TAFA1: variants seen among roughly 807,000 people sequenced by gnomAD.
TAFA1 encodes chemokine-like protein TAFA-1.
Under a neutral mutation model 18.5 loss-of-function variants are expected in TAFA1, and 4 were observed. The observed-to-expected ratio is 0.22, with a 90% confidence interval of 0.11 to 0.49. TAFA1 has a LOEUF of 0.49. Among genes scored for constraint, TAFA1 ranks in the 20% least tolerant of loss-of-function variants. The pLI is 0.98. For missense variants in TAFA1, 147 were observed against 169.0 expected, an observed-to-expected ratio of 0.87 and a Z score of 0.72; for synonymous variants, 56 against 55.2, an observed-to-expected ratio of 1.01 and a Z score of -0.06.
chr3:68,041,278 C>A (rs905398853), intron 2 of TAFA1, among the ~76,000 whole-genome samples: 1 of 152,126 alleles, frequency 6.6e-6, no homozygotes, highest in Non-Finnish European at 1.5e-5. Flanking sequence ...TGTAAAATGA[C>A]CTGATTAAAA....
At chr3:68,095,223 ATT>A (rs1458102908) in intron 2 of TAFA1, among the ~76,000 whole-genome samples, 2 of 152,144 alleles carry the variant, frequency 1.3e-5, no homozygotes, top group African/African-American at 4.8e-5. Flanking sequence ...AAGTTCTCTC[ATT>A]TCTGACATCC....
At chr3:68,032,293 T>G (rs893253473) in intron 2 of TAFA1, among the ~76,000 whole-genome samples, 10 of 152,176 alleles carry the variant, frequency 6.6e-5, no homozygotes, top group African/African-American at 2.4e-4. Context: ...GTGAAAGAAA[T>G]GTACTAAAAT....
chr3:68,119,848 C>A (rs2065367733), intron 2 of TAFA1, among the ~76,000 whole-genome samples: 1 of 152,088 alleles, frequency 6.6e-6, no homozygotes, highest in African/African-American at 2.4e-5. Flanking sequence ...ATTGTTTTGG[C>A]TATTTGGGTT....
chr3:68,025,745 C>T (rs192160646), intron 2 of TAFA1, among the ~76,000 whole-genome samples: 1 of 152,300 alleles, frequency 6.6e-6, no homozygotes, highest in East Asian at 1.9e-4. Context: ...GATATACGTT[C>T]TCCCTGCTCC....
At chr3:68,464,059 T>C (rs2071835678) in intron 3 of TAFA1, among the ~76,000 whole-genome samples, 1 of 152,162 alleles carries the variant, frequency 6.6e-6, no homozygotes, top group Non-Finnish European at 1.5e-5. Context: ...TGTTATTTCA[T>C]TTTTATAGAC....
At chr3:68,228,409 A>T (rs1048949975) in intron 2 of TAFA1, among the ~76,000 whole-genome samples, 1 of 152,116 alleles carries the variant, frequency 6.6e-6, no homozygotes, top group African/African-American at 2.4e-5. Context: ...AAGCCACCAT[A>T]CCTGGCAGAC....
intron 3 of TAFA1, among the ~76,000 whole-genome samples, chr3:68,463,889 T>TA (rs1397741443): frequency 2.0e-5 from 3 of 152,104 alleles, no homozygotes; most frequent in Non-Finnish European, 2.9e-5. Flanking sequence ...GAGACTGTAA[T>TA]AAAAAACAAT....
intron 2 of TAFA1, among the ~76,000 whole-genome samples, chr3:68,055,015 C>T (rs979164780): frequency 3.3e-5 from 5 of 151,950 alleles, no homozygotes; most frequent in African/African-American, 1.2e-4. Flanking sequence ...TTAGGGTCTC[C>T]CACAAGCAGA....
At chr3:68,318,133 GT>G (rs1274372929) in intron 2 of TAFA1, among the ~76,000 whole-genome samples, 29 of 152,268 alleles carry the variant, frequency 1.9e-4, no homozygotes, top group African/African-American at 6.5e-4. Context: ...CAGTTTGTCA[GT>G]AAGATAGAAA....
chr3:68,412,813 T>C (rs2070741249), intron 2 of TAFA1, among the ~76,000 whole-genome samples: 1 of 152,164 alleles, frequency 6.6e-6, no homozygotes, highest in Non-Finnish European at 1.5e-5. Flanking sequence ...TCTTTGTTAT[T>C]GTGAATAGTG....
chr3:68,262,919 C>T (rs1463459317), intron 2 of TAFA1, among the ~76,000 whole-genome samples: 1 of 152,144 alleles, frequency 6.6e-6, no homozygotes, highest in Admixed American at 6.6e-5. Flanking sequence ...ATCTTCAGAT[C>T]TTATAAAGTT....
intron 2 of TAFA1, among the ~76,000 whole-genome samples, chr3:68,252,979 A>T (rs1267600514): frequency 2.0e-5 from 3 of 152,114 alleles, no homozygotes; most frequent in Non-Finnish European, 4.4e-5. Context: ...GTCATGCAAG[A>T]TGTGTCTTTG....
In TAFA1 at chr3:68,108,934, T is replaced by C. The variant is rs141809952; in HGVS notation, c.118+102190T>C. Among the ~76,000 whole-genome samples the C allele has an allele frequency of 2.0e-4, 30 of 151,156 alleles. No individual in the cohort carries two copies. The East Asian group carries it at 5.9e-3, about 30-fold the overall frequency. On this transcript the variant is annotated intron_variant, in intron 2 of 4. Transcript: ENST00000478136. ...TACAGAGAGATTTTAAAAATAAAAA[T>C]TCTATCATGTTGCCATATTCTACAC...
At chr3:68,049,216 C>T (rs1018361648) in intron 2 of TAFA1, among the ~76,000 whole-genome samples, 7 of 152,122 alleles carry the variant, frequency 4.6e-5, no homozygotes, top group African/African-American at 1.7e-4. Flanking sequence ...TTTTACAACT[C>T]ATAGGCTATT....
chr3:68,139,053 G>A (rs188038196), intron 2 of TAFA1, among the ~76,000 whole-genome samples: 2 of 152,190 alleles, frequency 1.3e-5, no homozygotes, highest in Non-Finnish European at 2.9e-5. Context: ...GATTGTTTTT[G>A]TCCTATATTT....
chr3:68,070,368 G>C (rs1473597059), intron 2 of TAFA1, among the ~76,000 whole-genome samples: 1 of 152,224 alleles, frequency 6.6e-6, no homozygotes, highest in Admixed American at 6.5e-5. Flanking sequence ...AGTTGGAACA[G>C]CTGGGTTGCA....
At chr3:68,321,995 T>C (rs976444150) in intron 2 of TAFA1, among the ~76,000 whole-genome samples, 6 of 152,202 alleles carry the variant, frequency 3.9e-5, no homozygotes, top group Admixed American at 6.6e-5. Flanking sequence ...AGAGTTTTTT[T>C]CCCACAGCTG....
intron 2 of TAFA1, among the ~76,000 whole-genome samples, chr3:68,306,626 T>C (rs1422692080): frequency 6.6e-6 from 1 of 152,172 alleles, no homozygotes. Context: ...CCTGGATGGA[T>C]CTGGATCTCC....
At chr3:68,399,753 C>T (rs932029244) in intron 2 of TAFA1, among the ~76,000 whole-genome samples, 2 of 152,164 alleles carry the variant, frequency 1.3e-5, no homozygotes, top group African/African-American at 4.8e-5. Flanking sequence ...CATATCTACT[C>T]AATGAGGTAC....
Sources: allele counts gnomAD v4.1 joint callset (sites outside exome capture counted in the v4.1 genomes callset), GRCh38; gene constraint gnomAD v4.1.1; transcripts MANE v1.5; gene names NCBI Gene and HGNC (gene_info 2026-07-23, HGNC 2026-07-21).